The following SUPT20H variants were observed in gnomAD, a reference collection of about 807,000 sequenced individuals.
SUPT20H encodes the protein transcription factor SPT20 homolog.
In SUPT20H, 82 loss-of-function variants were observed where a neutral mutation model predicts 122.8. That is an observed-to-expected ratio of 0.67 (90% confidence interval 0.56 to 0.80). The LOEUF (loss-of-function observed/expected upper bound fraction) is 0.80. Among genes scored for constraint, SUPT20H ranks in the 30% least tolerant of loss-of-function variants. The pLI, the probability that SUPT20H is intolerant of heterozygous loss-of-function variation, is 0.00. For synonymous variants in SUPT20H, 291 were observed against 313.0 expected, an observed-to-expected ratio of 0.93 and a Z score of 0.74; for missense variants, 831 against 921.6, an observed-to-expected ratio of 0.90 and a Z score of 1.27.
rs909378947 is a variant in SUPT20H at position 37,017,503 on chromosome 13, A to C, written c.1873-139T>G. ...TGAAGAAACAGGTAAAGAAAAAACA[A>C]GTTGGCTGCCCTTAAAAAAAAGACC... On this transcript the variant is annotated intron_variant, in intron 22 of 25. Coordinates refer to ENST00000350612, the MANE Select transcript of SUPT20H (RefSeq NM_001014286.3). 3 of 930,996 alleles carry C rather than the reference A, an allele frequency of 3.2e-6. No individual in the cohort carries two copies. In the African/African-American group the frequency reaches 5.0e-5, roughly 16 times the overall value. 57.7% of individuals were successfully genotyped at this position (930,996 alleles called of 1,614,324 possible). A position where few individuals can be genotyped will look rare whatever the true frequency, so the allele number is the denominator to read the frequency against.
chr13:37,017,448 T>C, intron 22 of SUPT20H, 84 bp from the exon 23 acceptor site: 1 of 1,346,948 alleles, frequency 7.4e-7, no homozygotes, highest in Non-Finnish European at 1.0e-6. Flanking sequence ...TATTTTTGGA[T>C]CATTTGCTAT....
intron 19 of SUPT20H, among the ~76,000 whole-genome samples, chr13:37,023,397 T>C (rs2061683509): frequency 6.6e-6 from 1 of 152,134 alleles, no homozygotes; most frequent in Admixed American, 6.5e-5. Context: ...TTTGAAGAAA[T>C]TCTCCCAAAC....
intron 13 of SUPT20H, 130 bp from the exon 14 acceptor site, chr13:37,028,435 C>CA (rs2062707433): frequency 1.2e-6 from 1 of 845,056 alleles, no homozygotes; most frequent in African/African-American, 1.7e-5. Context: ...ACTTAGGCTA[C>CA]AAAGATATTT....
rs9315460 is a variant in SUPT20H at position 37,016,280 on chromosome 13, A to T, written c.1992+965T>A. Among the ~76,000 whole-genome samples, 216 of 152,074 alleles carry T rather than the reference A, an allele frequency of 1.4e-3. 2 individuals carry two copies. In the East Asian group the frequency reaches 0.041, roughly 29 times the overall value. On this transcript the variant is annotated intron_variant, in intron 23 of 25. Coordinates refer to ENST00000350612, the MANE Select transcript of SUPT20H (RefSeq NM_001014286.3). Reference sequence around the variant, plus strand: ...TCTCTACTAAAAATACAAAAAAAAAATTAGTCGGGCGTGGTGGCACATGTC... The same window carrying T: ...TCTCTACTAAAAATACAAAAAAAAATTTAGTCGGGCGTGGTGGCACATGTC...
At chr13:37,056,153 T>C (rs1387722748) in intron 1 of SUPT20H, among the ~76,000 whole-genome samples, 1 of 152,200 alleles carries the variant, frequency 6.6e-6, no homozygotes, top group Non-Finnish European at 1.5e-5. Flanking sequence ...AGGAACACTT[T>C]TACATTGTTG....
chr13:37,054,937 A>G (rs1476191963), intron 1 of SUPT20H, among the ~76,000 whole-genome samples: 8 of 152,260 alleles, frequency 5.3e-5, no homozygotes, highest in African/African-American at 1.7e-4. Flanking sequence ...TACAAAATCA[A>G]TGTGCAAAAA....
At chr13:37,057,973 C>CA (rs34624589) in intron 1 of SUPT20H, among the ~76,000 whole-genome samples, 79,763 of 97,976 alleles carry the variant, frequency 0.81, 32,039 homozygotes, top group East Asian at 0.96. Context: ...GACTCCGTCT[C>CA]AAAAAAAAAA....
intron 9 of SUPT20H, among the ~76,000 whole-genome samples, chr13:37,036,753 T>C (rs1374062723): frequency 6.6e-6 from 1 of 152,104 alleles, no homozygotes; most frequent in Non-Finnish European, 1.5e-5. Context: ...GCCTACTCAA[T>C]GTGAAGATGA....
At chr13:37,038,642 CTA>C (rs2138500172) in intron 9 of SUPT20H, 1 of 152,326 alleles carries the variant, frequency 6.6e-6, no homozygotes, top group South Asian at 2.1e-4. Context: ...TTATTCCTCA[CTA>C]TAGTCAGGCA....
intron 24 of SUPT20H, chr13:37,011,002 T>TGGAAGAA (rs554281753): frequency 8.1e-5 from 14 of 173,348 alleles, no homozygotes; most frequent in Non-Finnish European, 1.5e-4. Context: ...AGAAGGGAGA[T>TGGAAGAA]GGAAGAAATC....
At position 37,045,333 on chromosome 13, in the gene SUPT20H, A is replaced by G. The variant is rs2066230892; in HGVS notation, c.206T>C (p.Met69Thr). Residue 69 changes from methionine to threonine, a missense_variant, in exon 6 of 26, where the codon ATG becomes ACG. By Grantham distance (81) the Met-to-Thr change is moderately conservative (BLOSUM62 -1). Coordinates refer to ENST00000350612, the MANE Select transcript of SUPT20H (RefSeq NM_001014286.3). ...CACTAAACATGACAAAGTCTCTTGC[A>G]TAACAAGCTTCTCTAACAAGTTCAC... Reference protein sequence around the residue: ...RNVNLLEKLVMQETLSCLVVN... With the variant: ...RNVNLLEKLVTQETLSCLVVN... 6.2e-7 allele frequency: 1 copy of G among 1,613,556 alleles called. No individual in the cohort carries two copies. Among genetic ancestry groups the G allele is most frequent in the Non-Finnish European group, 8.5e-7 (1 of 1,179,754 alleles).
At chr13:37,024,762 T>C (rs2061935591) in intron 17 of SUPT20H, 1 of 187,424 alleles carries the variant, frequency 5.3e-6, no homozygotes. Flanking sequence ...CACTCTTCCA[T>C]ACTTATCTAT....
intron 1 of SUPT20H, among the ~76,000 whole-genome samples, chr13:37,051,978 C>T (rs1048170174): frequency 6.6e-6 from 1 of 152,062 alleles, no homozygotes; most frequent in Non-Finnish European, 1.5e-5. Context: ...GTTCACTTTA[C>T]AAATCACAGA....
chr13:37,055,378 T>C (rs1445416973), intron 1 of SUPT20H, among the ~76,000 whole-genome samples: 27 of 152,106 alleles, frequency 1.8e-4, no homozygotes, highest in Non-Finnish European at 3.4e-4. Flanking sequence ...ACTACAAGGC[T>C]ACATTAACCA....
At chr13:37,036,579 C>T (rs1289385673) in intron 9 of SUPT20H, among the ~76,000 whole-genome samples, 1 of 152,098 alleles carries the variant, frequency 6.6e-6, no homozygotes, top group African/African-American at 2.4e-5. Flanking sequence ...CTCAGCCTCC[C>T]AAAGTGCTGG....
Position 37,044,159 on chromosome 13 carries a change from G to A in SUPT20H, c.315C>T (p.Pro105=), listed in dbSNP as rs780868944. 11 of 1,612,272 alleles carry A rather than the reference G, an allele frequency of 6.8e-6. No homozygotes were observed. Among genetic ancestry groups the A allele is most frequent in the Non-Finnish European group, 8.5e-6 (10 of 1,179,224 alleles). Residue 105 remains proline, a synonymous_variant, in exon 7 of 26, where the codon CCC becomes CCT. Coordinates refer to ENST00000350612, the MANE Select transcript of SUPT20H (RefSeq NM_001014286.3). ...ATTCAAGCAACTCTCCTTCTTCATA[G>A]GGCAGTCGAATGGTCTCGGAATCTT... ...NGSDSETIRL[P]YEEGELLEYL... is the part of the protein sequence containing the mutation.
intron 1 of SUPT20H, among the ~76,000 whole-genome samples, chr13:37,056,117 A>G (rs1394309243): frequency 6.6e-6 from 1 of 152,216 alleles, no homozygotes; most frequent in African/African-American, 2.4e-5. Flanking sequence ...AGGAAACAAC[A>G]GGTGCTGGAG....
At chr13:37,031,140 A>T (rs1005965857) in intron 12 of SUPT20H, among the ~76,000 whole-genome samples, 3 of 152,134 alleles carry the variant, frequency 2.0e-5, no homozygotes, top group Admixed American at 6.5e-5. Flanking sequence ...AGTATTATTA[A>T]TCTTTATTTT....
intron 1 of SUPT20H, among the ~76,000 whole-genome samples, chr13:37,054,717 T>A (rs9547722): frequency 0.84 from 127,239 of 152,130 alleles, 54,282 homozygotes; most frequent in East Asian, 1. Flanking sequence ...AAGACAGGGA[T>A]GACCTCTCTC....
Sources: allele counts gnomAD v4.1 joint callset (sites outside exome capture counted in the v4.1 genomes callset), GRCh38; gene constraint gnomAD v4.1.1; transcripts MANE v1.5; gene names NCBI Gene and HGNC (gene_info 2026-07-23, HGNC 2026-07-21).